The following GRIP1 variants were observed in gnomAD, a reference collection of about 807,000 sequenced individuals.
GRIP1 encodes the protein glutamate receptor-interacting protein 1.
A neutral mutation model predicts 129.9 loss-of-function variants in GRIP1; 45 were observed. The observed-to-expected ratio is 0.35, with a 90% CI of 0.27 to 0.44. The LOEUF (loss-of-function observed/expected upper bound fraction) is 0.44, where lower values mean the gene tolerates loss of function less well. Ranked by LOEUF, GRIP1 falls within the 20% of genes least tolerant of loss-of-function variation. The pLI, the probability that GRIP1 is intolerant of heterozygous loss-of-function variation, is 1.00. For missense variants in GRIP1, 1,196 were observed against 1,396.8 expected, an observed-to-expected ratio of 0.86 and a Z score of 2.29; for synonymous variants, 530 against 520.8, an observed-to-expected ratio of 1.02 and a Z score of -0.24.
chr12:66,445,724 C>G (rs1453969540), intron 11 of GRIP1, among the ~76,000 whole-genome samples: 1 of 152,168 alleles, frequency 6.6e-6, no homozygotes, highest in African/African-American at 2.4e-5. Flanking sequence ...TGCACCCTGG[C>G]TCCCTACTCC....
chr12:66,808,292 G>T (rs950963665), upstream of GRIP1, among the ~76,000 whole-genome samples: 1 of 151,952 alleles, frequency 6.6e-6, no homozygotes, highest in African/African-American at 2.4e-5. Context: ...TTTGTTCTTG[G>T]TTTTTTGTTT....
At chr12:66,645,202 A>T (rs2032260726) in intron 1 of GRIP1, among the ~76,000 whole-genome samples, 1 of 152,206 alleles carries the variant, frequency 6.6e-6, no homozygotes, top group Non-Finnish European at 1.5e-5. Context: ...AGAGTTTTTA[A>T]ATTATGGAGC....
intron 1 of GRIP1, among the ~76,000 whole-genome samples, chr12:66,983,040 C>A (rs2042261852): frequency 6.6e-6 from 1 of 152,156 alleles, no homozygotes; most frequent in South Asian, 2.1e-4. Context: ...CACCTTTTTC[C>A]TTCCTGAAAT....
chr12:66,348,781 C>A lies in GRIP1; in HGVS notation c.*238G>T. The A allele has an allele frequency of 1.9e-6, 1 of 536,892 alleles. No individual in the cohort carries two copies. Among genetic ancestry groups the A allele is most frequent in the Non-Finnish European group, 3.3e-6 (1 of 299,918 alleles). 33.3% of individuals were successfully genotyped at this position (536,892 alleles called of 1,614,324 possible). ...GTTGTGGGGGACGGCCTATTTTTCT[C>A]TACCGTTGGGACTGGCAGGGCATTG... On this transcript the variant is annotated 3_prime_UTR_variant, in exon 25 of 25. Transcript: ENST00000359742.
chr12:66,385,470 AG>A (rs2056314870), intron 19 of GRIP1, among the ~76,000 whole-genome samples: 1 of 152,174 alleles, frequency 6.6e-6, no homozygotes, highest in Non-Finnish European at 1.5e-5. Context: ...TGGGAGGCAG[AG>A]GTTGCAGTGA....
At chr12:66,846,790 G>A (rs910019851) in intron 1 of GRIP1, among the ~76,000 whole-genome samples, 1 of 152,106 alleles carries the variant, frequency 6.6e-6, no homozygotes, top group Non-Finnish European at 1.5e-5. Flanking sequence ...CACCACAGGG[G>A]GCCATGTGGG....
At chr12:66,638,856 T>G (rs1427726911) in intron 1 of GRIP1, among the ~76,000 whole-genome samples, 6 of 152,070 alleles carry the variant, frequency 3.9e-5, no homozygotes, top group Non-Finnish European at 5.9e-5. Context: ...AGTTGTGAGG[T>G]GACAGTGCCT....
chr12:66,938,817 C>T (rs182627050), intron 1 of GRIP1, among the ~76,000 whole-genome samples: 74 of 152,146 alleles, frequency 4.9e-4, no homozygotes, highest in Non-Finnish European at 6.2e-4. Context: ...ATTAGCCAGG[C>T]GTGGTGGTGC....
In GRIP1 at chr12:66,965,596, T is replaced by TGTGTGA. The variant is rs1308974868; in HGVS notation, c.58+103453_58+103454insTCACAC. ...GTGTGTGTGTGTGTGTGTGTGTGTGTGAGATATTATTACTAAAATGGGACT... is the reference window on the plus strand; with the variant it reads ...GTGTGTGTGTGTGTGTGTGTGTGTGTGTGTGAGAGATATTATTACTAAAATGGGACT... On this transcript the variant is annotated intron_variant, in intron 1 of 1. Coordinates refer to the GRIP1 transcript ENST00000643019. 3.6e-3 allele frequency among the ~76,000 whole-genome samples: 533 copies of TGTGTGA among 146,828 alleles called. 8 individuals carry two copies. Among genetic ancestry groups the TGTGTGA allele is most frequent in the African/African-American group, 0.012 (490 of 39,368 alleles).
At chr12:66,663,876 A>C (rs1009874465) in intron 1 of GRIP1, among the ~76,000 whole-genome samples, 1 of 152,204 alleles carries the variant, frequency 6.6e-6, no homozygotes, top group Non-Finnish European at 1.5e-5. Context: ...CCACTGTCTA[A>C]GGATCTAAGA....
chr12:66,893,967 G>A (rs569642425), intron 1 of GRIP1, among the ~76,000 whole-genome samples: 1 of 151,932 alleles, frequency 6.6e-6, no homozygotes, highest in African/African-American at 2.4e-5. Context: ...TCTTCTCCCT[G>A]ATCATCCAGC....
intron 11 of GRIP1, among the ~76,000 whole-genome samples, chr12:66,452,824 T>C (rs1250046986): frequency 6.6e-6 from 1 of 152,038 alleles, no homozygotes; most frequent in Non-Finnish European, 1.5e-5. Context: ...ATACCAAACC[T>C]ATGCAATAAA....
chr12:66,506,745 C>A (rs1036219911), intron 7 of GRIP1, among the ~76,000 whole-genome samples: 29 of 152,130 alleles, frequency 1.9e-4, no homozygotes, highest in Admixed American at 1.6e-3. Context: ...AAATTCATAA[C>A]CTTTCCTAAA....
rs374627722 is a variant in GRIP1 at position 66,565,098 on chromosome 12, C to A, written c.137-23148G>T. 4.6e-4 allele frequency among the ~76,000 whole-genome samples: 70 copies of A among 152,286 alleles called. 1 individual carries two copies. In the East Asian group the frequency reaches 0.012, roughly 26 times the overall value. On this transcript the variant is annotated intron_variant, in intron 2 of 24. Coordinates refer to ENST00000359742, the MANE Select transcript of GRIP1 (RefSeq NM_001366722.1). ...TGCTGGTTCACTCTGATGGTAGTTT[C>A]TTTTGCTGTGCAGAAGCTCTTTAGT...
chr12:66,965,526 C>CT (rs1317629791), intron 1 of GRIP1, among the ~76,000 whole-genome samples: 1 of 145,872 alleles, frequency 6.9e-6, no homozygotes, highest in African/African-American at 2.6e-5. Context: ...CTACATGCTT[C>CT]TTAGGCTACT....
chr12:66,782,209 TA>T lies in GRIP1; in HGVS notation c.-420+21843del, dbSNP rs918304711. ...TTTTTATATAAATGTTACACTTCAA[TA>T]AAAATCCTATATAGAAATGAACAGG... On this transcript the variant is annotated intron_variant, in intron 1 of 4. Transcript: ENST00000538373. Among the ~76,000 whole-genome samples, 141 of 152,288 alleles carry T rather than the reference TA, an allele frequency of 9.3e-4. 1 individual carries two copies. Among genetic ancestry groups the T allele is most frequent in the African/African-American group, 3.0e-3 (126 of 41,570 alleles).
At chr12:66,408,416 T>C (rs1012836136) in intron 15 of GRIP1, among the ~76,000 whole-genome samples, 2 of 152,078 alleles carry the variant, frequency 1.3e-5, no homozygotes, top group African/African-American at 4.8e-5. Context: ...GAGGTGCAGG[T>C]TGCAGTGAGC....
chr12:66,776,460 T>A (rs1045547556), intron 1 of GRIP1, among the ~76,000 whole-genome samples: 1 of 152,226 alleles, frequency 6.6e-6, no homozygotes, highest in African/African-American at 2.4e-5. Flanking sequence ...ACAATAACTT[T>A]AATTAGTAAA....
chr12:67,054,747 C>T (rs1429459064), intron 1 of GRIP1, among the ~76,000 whole-genome samples: 1 of 145,204 alleles, frequency 6.9e-6, no homozygotes, highest in African/African-American at 2.6e-5. Context: ...CTGGGTGACA[C>T]AGCAAGACAG....
Sources: allele counts gnomAD v4.1 joint callset (sites outside exome capture counted in the v4.1 genomes callset), GRCh38; gene constraint gnomAD v4.1.1; transcripts MANE v1.5; gene names NCBI Gene and HGNC (gene_info 2026-07-23, HGNC 2026-07-21).